STARD13: variants seen among roughly 807,000 people sequenced by gnomAD.
STARD13 encodes StAR related lipid transfer domain containing 13.
Under a neutral mutation model 106.4 loss-of-function variants are expected in STARD13, and 62 were observed. The ratio of observed to expected loss-of-function variants is 0.58; its 90% CI spans 0.48 to 0.72. The LOEUF is 0.72. Ranked by LOEUF, STARD13 falls within the 30% of genes least tolerant of loss-of-function variation. The pLI is 0.00. For missense variants in STARD13, 1,387 were observed against 1,424.0 expected, an observed-to-expected ratio of 0.97 and a Z score of 0.42; for synonymous variants, 565 against 553.0, an observed-to-expected ratio of 1.02 and a Z score of -0.31.
At chr13:33,276,019 A>G (rs1042137605) in intron 1 of STARD13, 7 of 152,206 alleles carry the variant, frequency 4.6e-5, no homozygotes, top group African/African-American at 1.7e-4. Flanking sequence ...CTTCTTCAAG[A>G]TATTCTGCAA....
At chr13:33,663,362 T>C in the STARD13 span, among the ~76,000 whole-genome samples, 2 of 152,166 alleles carry the variant, frequency 1.3e-5, no homozygotes, top group Non-Finnish European at 2.9e-5. Context: ...AATAATGATA[T>C]CAGCATTTTG....
At chr13:33,657,278 A>G in the STARD13 span, among the ~76,000 whole-genome samples, 2 of 8,312 alleles carry the variant, frequency 2.4e-4, no homozygotes, top group African/African-American at 4.8e-4. Flanking sequence ...AAACAAACAA[A>G]CAAAGAAAAA....
the STARD13 span, among the ~76,000 whole-genome samples, chr13:33,433,360 G>A: frequency 2.9e-3 from 444 of 152,286 alleles, 11 homozygotes; most frequent in Admixed American, 0.028. Context: ...GTTAGAATTT[G>A]TTCAGGTCTA....
the STARD13 span, among the ~76,000 whole-genome samples, chr13:33,398,238 T>C: frequency 4.6e-5 from 7 of 152,364 alleles, no homozygotes; most frequent in African/African-American, 1.7e-4. Context: ...TGTGCTCTTG[T>C]AATAATTAGA....
At chr13:33,642,986 C>T in the STARD13 span, among the ~76,000 whole-genome samples, 16 of 152,152 alleles carry the variant, frequency 1.1e-4, no homozygotes, top group South Asian at 1.5e-3. Flanking sequence ...ATTAAGCAAT[C>T]GCCCTGCAAT....
At position 33,151,699 on chromosome 13, in the gene STARD13, C is replaced by G. The variant is rs576121358; in HGVS notation, c.324-9326G>C. ...AGGAGCAATCTGGTACAATGAGGAG[C>G]TACTGAAGGATTTAGACAGGAGCGT... On this transcript the variant is annotated intron_variant, in intron 3 of 13. Transcript: ENST00000336934. Among the ~76,000 whole-genome samples, 18 of 152,322 alleles carry G rather than the reference C, an allele frequency of 1.2e-4. No homozygotes were observed. In the South Asian group the frequency reaches 1.9e-3, roughly 16 times the overall value.
intron 1 of STARD13, among the ~76,000 whole-genome samples, chr13:33,330,522 G>A (rs2077824343): frequency 6.6e-6 from 1 of 152,086 alleles, no homozygotes; most frequent in African/African-American, 2.4e-5. Context: ...TAATAGCTGT[G>A]AGCTCTTTGA....
chr13:33,464,026 T>C, the STARD13 span, among the ~76,000 whole-genome samples: 4 of 138,776 alleles, frequency 2.9e-5, no homozygotes, highest in Non-Finnish European at 6.3e-5. Context: ...AAAAAATACA[T>C]ATATATATAT....
chr13:33,242,139 G>A (rs531848635), intron 1 of STARD13, among the ~76,000 whole-genome samples: 12 of 151,962 alleles, frequency 7.9e-5, no homozygotes, highest in South Asian at 2.1e-4. Context: ...GGTGAGGAGC[G>A]TCTCTGACCG....
At chr13:33,434,175 A>G in the STARD13 span, among the ~76,000 whole-genome samples, 5 of 152,104 alleles carry the variant, frequency 3.3e-5, no homozygotes, top group Non-Finnish European at 1.5e-5. Context: ...CAACATGGCG[A>G]AACCCCATCT....
chr13:33,185,873 C>T (rs567419389), intron 1 of STARD13: 2 of 1,614,068 alleles, frequency 1.2e-6, no homozygotes, highest in Non-Finnish European at 1.7e-6. Context: ...TGATCCAGCA[C>T]TTACCCCGGC....
the STARD13 span, among the ~76,000 whole-genome samples, chr13:33,370,076 T>C: frequency 1.3e-5 from 2 of 152,240 alleles, no homozygotes; most frequent in African/African-American, 2.4e-5. Flanking sequence ...TTCTCTGGTG[T>C]TTCTGCTTTC....
At chr13:33,571,008 C>T in the STARD13 span, among the ~76,000 whole-genome samples, 3 of 152,232 alleles carry the variant, frequency 2.0e-5, no homozygotes, top group Non-Finnish European at 4.4e-5. Flanking sequence ...TTGGAGGCAT[C>T]ATGCTGCACC....
chr13:33,126,470 T>C (rs1339753638), intron 6 of STARD13, among the ~76,000 whole-genome samples: 2 of 152,226 alleles, frequency 1.3e-5, no homozygotes, highest in South Asian at 2.1e-4. Context: ...CCAGAATGTA[T>C]TTGTAGCTCT....
chr13:33,605,330 G>T, the STARD13 span, among the ~76,000 whole-genome samples: 1 of 151,216 alleles, frequency 6.6e-6, no homozygotes, highest in East Asian at 1.9e-4. Flanking sequence ...TGATCCTCCT[G>T]CCTCAGCCTC....
intron 1 of STARD13, among the ~76,000 whole-genome samples, chr13:33,179,880 A>G (rs945367869): frequency 2.0e-5 from 3 of 152,198 alleles, no homozygotes; most frequent in African/African-American, 7.2e-5. Flanking sequence ...TCTGCCATAA[A>G]CAACCCATCT....
At chr13:33,451,710 G>C in the STARD13 span, among the ~76,000 whole-genome samples, 1 of 152,200 alleles carries the variant, frequency 6.6e-6, no homozygotes, top group Non-Finnish European at 1.5e-5. Context: ...TTTAAGGAAA[G>C]TGTGGTTATA....
In STARD13 at chr13:33,133,667, A is replaced by AAG. The variant is rs58044072; in HGVS notation, c.388-3379_388-3378insCT. Among the ~76,000 whole-genome samples the AAG allele has an allele frequency of 3.7e-3, 513 of 140,292 alleles. 3 individuals carry two copies. Among genetic ancestry groups the AAG allele is most frequent in the African/African-American group, 0.012 (485 of 39,416 alleles). 92.0% of individuals were successfully genotyped at this position (140,292 alleles called of 152,430 possible). ...CTATACTAAAGCAAAAAAAAAAAAA[A>AAG]TTTATGCTTAAGTAATTATCCTTGT... On this transcript the variant is annotated intron_variant, in intron 4 of 13. Coordinates refer to ENST00000336934, the MANE Select transcript of STARD13 (RefSeq NM_178006.4).
Position 33,112,496 on chromosome 13 carries a change from CTATT to C in STARD13, c.2492+221_2492+224del, listed in dbSNP as rs560101470. 1.2e-4 allele frequency among the ~76,000 whole-genome samples: 19 copies of C among 152,266 alleles called. No homozygotes were observed. The East Asian group carries it at 3.1e-3, about 25-fold the overall frequency. Reference sequence around the variant, plus strand: ...TTTATCTCTCTTTATCATCTACCATCTATTTATCATCTATCTATTTAGCTGTCAT... The same window carrying C: ...TTTATCTCTCTTTATCATCTACCATCTATCATCTATCTATTTAGCTGTCAT... On this transcript the variant is annotated intron_variant, in intron 9 of 13. Coordinates refer to ENST00000336934, the MANE Select transcript of STARD13 (RefSeq NM_178006.4).
Sources: allele counts gnomAD v4.1 joint callset (sites outside exome capture counted in the v4.1 genomes callset), GRCh38; gene constraint gnomAD v4.1.1; transcripts MANE v1.5; gene names NCBI Gene and HGNC (gene_info 2026-07-23, HGNC 2026-07-21).